The following TRIM17 variants were observed in gnomAD, a reference collection of about 807,000 sequenced individuals.
The protein encoded by TRIM17 is E3 ubiquitin-protein ligase TRIM17.
In TRIM17, 27 loss-of-function variants were observed where a neutral mutation model predicts 35.8. That is an observed-to-expected ratio of 0.75 (90% CI 0.56 to 1.04). TRIM17 has a LOEUF of 1.04. TRIM17 is among the 50% of genes least tolerant of loss of function. The pLI is 0.00. For missense variants in TRIM17, 582 were observed against 612.8 expected (o/e 0.95, Z 0.53); for synonymous variants, 246 against 252.6 (o/e 0.97, Z 0.25).
chr1:228,416,717 G>GT lies in TRIM17; in HGVS notation c.-221_-220insA. 2 of 965,314 alleles carry GT rather than the reference G, an allele frequency of 2.1e-6. No individual in the cohort carries two copies. The highest frequency in any genetic ancestry group is 2.5e-6 in the Non-Finnish European group (2 of 812,580). The allele number at this position is 965,314 out of a possible 1,614,324, so 59.8% of individuals were successfully genotyped here. A position where few individuals can be genotyped will look rare whatever the true frequency, so the allele number is the denominator to read the frequency against. ...CAGCGGGGGCTGGGGGGCGGCGGGG[G>GT]AGGGGAATGCTGGGCGAGGGAGTGT... On this transcript the variant is annotated 5_prime_UTR_variant, in exon 1 of 7. Coordinates refer to ENST00000366698, the MANE Select transcript of TRIM17 (RefSeq NM_016102.4).
In TRIM17 at chr1:228,408,382, A is replaced by G; in HGVS notation, c.1253T>C (p.Met418Thr). Reference protein sequence around the residue: ...PVMLMEPPSHMGIFLDFEAGE... With the variant: ...PVMLMEPPSHTGIFLDFEAGE... ...GGCTTCGAAGTCCAGGAAGATGCCC[A>G]TGTGGCTGGGAGGCTCCATCAGCAT... The change falls in exon 7 of 7, where the codon ATG becomes ACG. Residue 418 changes from methionine to threonine, a missense_variant. Coordinates refer to ENST00000366698, the MANE Select transcript of TRIM17 (RefSeq NM_016102.4). The surrounding 1 kb of genome is among the most constrained non-coding windows in gnomAD (Gnocchi z 6.3). 3 of 1,614,126 alleles carry G rather than the reference A, an allele frequency of 1.9e-6. No homozygotes were observed. Among genetic ancestry groups the G allele is most frequent in the Middle Eastern group, 1.6e-4 (1 of 6,062 alleles).
At chr1:228,409,759 A>T in intron 4 of TRIM17, 7 of 171,732 alleles carry the variant, frequency 4.1e-5, no homozygotes, top group Middle Eastern at 2.3e-3. Context: ...CTCAGCAGGA[A>T]TGGGGTGGGG....
intron 3 of TRIM17, among the ~76,000 whole-genome samples, chr1:228,413,411 C>T (rs1449524658): frequency 1.3e-5 from 2 of 152,010 alleles, no homozygotes; most frequent in African/African-American, 4.8e-5. Flanking sequence ...TACGCCCCTG[C>T]CCTCTGGCTG....
rs1246446075 is a variant in TRIM17 at position 228,413,847 on chromosome 1, T to C, written c.475A>G (p.Arg159Gly). 38 of 1,614,094 alleles carry C rather than the reference T, an allele frequency of 2.4e-5. No homozygotes were observed. The highest frequency in any genetic ancestry group is 3.1e-5 in the Non-Finnish European group (37 of 1,180,044). Residue 159 changes from arginine to glycine, a missense_variant, in exon 3 of 7, where the codon AGG becomes GGG. Transcript: ENST00000366698. ...DMEYLREQITRTGNLQAREEQ... is the reference protein window; with the variant it reads ...DMEYLREQITGTGNLQAREEQ... ...TCCCTGGCCTGCAGATTCCCTGTCCTGGTGATCTGCTCCCGAAGGTACTCC... is the reference window on the plus strand; with the variant it reads ...TCCCTGGCCTGCAGATTCCCTGTCCCGGTGATCTGCTCCCGAAGGTACTCC...
intron 2 of TRIM17, 130 bp from the exon 3 acceptor site, chr1:228,414,022 C>G: frequency 1.4e-6 from 1 of 710,420 alleles, no homozygotes. Context: ...GATCAAAATA[C>G]GTCACCCAGA....
Position 228,409,363 on chromosome 1 carries a change from C to T in TRIM17, c.779+26G>A, listed in dbSNP as rs780261095. 11 of 1,589,674 alleles carry T rather than the reference C, an allele frequency of 6.9e-6. No individual in the cohort carries two copies. In the East Asian group the frequency reaches 9.0e-5, roughly 13 times the overall value. ...CCCCGCCCACCGCTGCCACTGCCCC[C>T]GCCCCTGCCTGAGGGGACCACATAC... On this transcript the variant is annotated intron_variant, in intron 5 of 6. Transcript: ENST00000366698.
intron 3 of TRIM17, among the ~76,000 whole-genome samples, chr1:228,413,078 G>T (rs1656873211): frequency 6.6e-6 from 1 of 152,030 alleles, no homozygotes; most frequent in Admixed American, 6.6e-5. Flanking sequence ...GGGCATGGTG[G>T]TGGGCACCTA....
At chr1:228,414,556 A>C in intron 2 of TRIM17, 88 bp downstream of exon 2, 1 of 1,166,800 alleles carries the variant, frequency 8.6e-7, no homozygotes, top group Non-Finnish European at 1.2e-6. Flanking sequence ...GTCCCTGGAC[A>C]CCTCCTCCCT....
rs1656759435 is a variant in TRIM17 at position 228,411,084 on chromosome 1, A to G, written c.618T>C (p.Ala206=). The change falls in exon 4 of 7, where the codon GCT becomes GCC. Residue 206 remains alanine (A), a synonymous_variant. Transcript: ENST00000366698. This position sits in a 1 kb window ranked among gnomAD's most constrained non-coding sequence, Gnocchi z 4.2. ...CAGTCTCCTCTTCTTCCGTCTCCAG[A>G]GCCTGGAGGAGCCTCTGCTCTTCTT... ...LVEEEQRLLQ[A]LETEEEETAS... 1.2e-6 allele frequency: 2 copies of G among 1,614,018 alleles called. No homozygotes were observed. The highest frequency in any genetic ancestry group is 1.7e-6 in the Non-Finnish European group (2 of 1,179,974).
In TRIM17 at chr1:228,408,859, C is replaced by A; in HGVS notation, c.884-108G>T. On this transcript the variant is annotated intron_variant, in intron 6 of 6. Transcript: ENST00000366698. This position sits in a 1 kb window ranked among gnomAD's most constrained non-coding sequence, Gnocchi z 6.3. ...GTGGATGTGGCCAATGGTCCCCTAA[C>A]TCCGCAGAGGCCTCCCCTGCTGTGA... 6.7e-7 allele frequency: 1 copy of A among 1,497,718 alleles called. No homozygotes were observed. The highest frequency in any genetic ancestry group is 8.9e-7 in the Non-Finnish European group (1 of 1,125,840). 92.8% of individuals were successfully genotyped at this position (1,497,718 alleles called of 1,614,324 possible).
In TRIM17 at chr1:228,408,944, G is replaced by A; in HGVS notation, c.884-193C>T. ...GTGTGTGGGCCTTGGTGGCAATAAG[G>A]TACAGGGGGCTGGGCAGAGAGACCA... On this transcript the variant is annotated intron_variant, in intron 6 of 6. Transcript: ENST00000366698. This position sits in a 1 kb window ranked among gnomAD's most constrained non-coding sequence, Gnocchi z 6.3. The A allele has an allele frequency of 4.7e-6, 7 of 1,501,454 alleles. No individual in the cohort carries two copies. Among genetic ancestry groups the A allele is most frequent in the South Asian group, 1.3e-5 (1 of 75,042 alleles). The allele number at this position is 1,501,454 out of a possible 1,614,324, so 93.0% of individuals were successfully genotyped here.
Position 228,413,890 on chromosome 1 carries a change from C to A in TRIM17, c.432G>T (p.Leu144Phe), listed in dbSNP as rs1230033118. 3.1e-6 allele frequency: 5 copies of A among 1,613,814 alleles called. No individual in the cohort carries two copies. The Admixed American group carries it at 8.3e-5, about 27-fold the overall frequency. ...GGTACTCCATGTCCTCCTCCAGCTT[C>A]AACTGTGGGACACACAAACCGCAGG... ...PAEEAVQGYKLKLEEDMEYLR... is the reference protein window; with the variant it reads ...PAEEAVQGYKFKLEEDMEYLR... The change falls in exon 3 of 7, where the codon TTG becomes TTT. Residue 144 changes from leucine (L) to phenylalanine (F), a missense_variant and splice_region_variant. Coordinates refer to ENST00000366698, the MANE Select transcript of TRIM17 (RefSeq NM_016102.4).
chr1:228,413,837 T>C lies in TRIM17; in HGVS notation c.485A>G (p.Asn162Ser). ...YLREQITRTG[N>S]LQAREEQSLA... ...GCTCTGCTCCTCCCTGGCCTGCAGA[T>C]TCCCTGTCCTGGTGATCTGCTCCCG... The change falls in exon 3 of 7, where the codon AAT (asparagine) becomes AGT (serine). Residue 162 changes from asparagine (N) to serine (S), a missense_variant. Physicochemically the swap from Asn to Ser is conservative, Grantham distance 46 (BLOSUM62 1). Coordinates refer to ENST00000366698, the MANE Select transcript of TRIM17 (RefSeq NM_016102.4). 1 of 1,614,212 alleles carries C rather than the reference T, an allele frequency of 6.2e-7. No individual in the cohort carries two copies. The highest frequency in any genetic ancestry group is 1.6e-4 in the Middle Eastern group (1 of 6,062).
intron 2 of TRIM17, 86 bp from the exon 3 acceptor site, chr1:228,413,978 C>T (rs2149112445): frequency 9.0e-7 from 1 of 1,112,320 alleles, no homozygotes; most frequent in Non-Finnish European, 1.4e-6. Context: ...TGAAACTGCA[C>T]CCACCCCAGA....
chr1:228,409,844 C>CT (rs1399374908), intron 4 of TRIM17: 2 of 183,818 alleles, frequency 1.1e-5, no homozygotes, highest in African/African-American at 4.7e-5. Flanking sequence ...TCTGTAGCCT[C>CT]TTTAGGGATT....
At chr1:228,409,026 C>T (rs535615965) in intron 6 of TRIM17, 146 bp downstream of exon 6, 263 of 1,601,290 alleles carry the variant, frequency 1.6e-4, no homozygotes, top group Admixed American at 3.8e-4. Context: ...CGCCGCCCTA[C>T]GAAGGCACAG....
rs151236533 is a variant in TRIM17 at position 228,416,365 on chromosome 1, G to T, written c.-42+174C>A. On this transcript the variant is annotated intron_variant, in intron 1 of 6. Transcript: ENST00000366698. Reference sequence around the variant, plus strand: ...ATGGCTGTCCTTCCCGCTCTGGTCCGCTAGGGTCCCGGTAGAGTTACCTTG... The same window carrying T: ...ATGGCTGTCCTTCCCGCTCTGGTCCTCTAGGGTCCCGGTAGAGTTACCTTG... The T allele has an allele frequency of 9.7e-4, 955 of 985,546 alleles. 6 individuals carry two copies. In the African/African-American group the frequency reaches 0.016, roughly 16 times the overall value. The allele number at this position is 985,546 out of a possible 1,614,324, so 61.1% of individuals were successfully genotyped here.
At position 228,408,464 on chromosome 1, in the gene TRIM17, C is replaced by G. The variant is rs368187613; in HGVS notation, c.1171G>C (p.Val391Leu). Residue 391 changes from valine to leucine, a missense_variant, in exon 7 of 7, where the codon GTG (valine) becomes CTG (leucine). Val to Leu is a conservative substitution (Grantham distance 32). Coordinates refer to ENST00000366698, the MANE Select transcript of TRIM17 (RefSeq NM_016102.4). The surrounding 1 kb of genome is among the most constrained non-coding windows in gnomAD (Gnocchi z 6.3). Reference protein sequence around the residue: ...PKCPENGFWVVQLSKGTKYLS... With the variant: ...PKCPENGFWVLQLSKGTKYLS... ...TACTTGGTCCCCTTGGACAGCTGCACCACCCAGAAGCCGTTTTCGGGGCAC... is the reference window on the plus strand; with the variant it reads ...TACTTGGTCCCCTTGGACAGCTGCAGCACCCAGAAGCCGTTTTCGGGGCAC... 16 of 1,614,202 alleles carry G rather than the reference C, an allele frequency of 9.9e-6. No homozygotes were observed. The highest frequency in any genetic ancestry group is 3.3e-4 in the Middle Eastern group (2 of 6,060).
In TRIM17 at chr1:228,411,064, T is replaced by G; in HGVS notation, c.638A>C (p.Glu213Ala). The G allele has an allele frequency of 6.2e-7, 1 of 1,613,964 alleles. No homozygotes were observed. Reference protein sequence around the residue: ...LLQALETEEEETASRLRESVA... With the variant: ...LLQALETEEEATASRLRESVA... ...GCTCTCCCGGAGCCTGCTGGCAGTCTCCTCTTCTTCCGTCTCCAGAGCCTG... is the reference window on the plus strand; with the variant it reads ...GCTCTCCCGGAGCCTGCTGGCAGTCGCCTCTTCTTCCGTCTCCAGAGCCTG... The change falls in exon 4 of 7, where the codon GAG becomes GCG. Residue 213 changes from glutamate (E) to alanine (A), a missense_variant. Coordinates refer to ENST00000366698, the MANE Select transcript of TRIM17 (RefSeq NM_016102.4). The surrounding 1 kb of genome is among the most constrained non-coding windows in gnomAD (Gnocchi z 4.2).
Sources: allele counts gnomAD v4.1 joint callset (sites outside exome capture counted in the v4.1 genomes callset), GRCh38; gene constraint gnomAD v4.1.1; non-coding constraint Gnocchi (gnomAD v3.1); transcripts MANE v1.5; gene names NCBI Gene and HGNC (gene_info 2026-07-23, HGNC 2026-07-21).